The following DMD variants were observed in gnomAD, a reference collection of about 807,000 sequenced individuals.
The protein encoded by DMD is dystrophin.
DMD carries 63 observed loss-of-function variants against 330.1 expected under a neutral mutation model. The ratio of observed to expected loss-of-function variants is 0.19; its 90% confidence interval spans 0.16 to 0.24. The LOEUF (loss-of-function observed/expected upper bound fraction) is 0.24. Among genes scored for constraint, DMD ranks in the 10% least tolerant of loss-of-function variants. The pLI, the probability that DMD is intolerant of heterozygous loss-of-function variation, is 1.00. For missense variants in DMD, 3,344 were observed against 2,684.1 expected, an observed-to-expected ratio of 1.25 and a Z score of -5.43; for synonymous variants, 1,223 against 959.8, an observed-to-expected ratio of 1.27 and a Z score of -5.07.
intron 9 of DMD, among the ~76,000 whole-genome samples, chrX:32,666,179 G>C (rs1283106298): frequency 2.7e-5 from 3 of 111,234 alleles, no homozygotes; most frequent in Admixed American, 9.6e-5. Flanking sequence ...TGTTGAGAAT[G>C]ATTCCTAGGT....
intron 52 of DMD, among the ~76,000 whole-genome samples, chrX:31,709,584 C>CTGTGTGTGTGTG (rs55768943): frequency 1.1e-5 from 1 of 94,040 alleles, no homozygotes; most frequent in Non-Finnish European, 2.1e-5. Context: ...CTCTCTCTGT[C>CTGTGTGTGTGTG]TGTGTGTGTG....
At chrX:31,761,793 C>T (rs1185564505) in intron 51 of DMD, among the ~76,000 whole-genome samples, 1 of 111,804 alleles carries the variant, frequency 8.9e-6, no homozygotes, top group Non-Finnish European at 1.9e-5. Flanking sequence ...CAAATTTAAA[C>T]AGAACTAAGA....
chrX:32,321,195 G>T (rs770526440), intron 41 of DMD, among the ~76,000 whole-genome samples: 12 of 111,544 alleles, frequency 1.1e-4, no homozygotes, highest in Non-Finnish European at 1.7e-4. Context: ...TGTTGAGAAT[G>T]GGTAAATCAC....
intron 47 of DMD, among the ~76,000 whole-genome samples, chrX:31,888,257 T>C (rs1163330049): frequency 9.0e-6 from 1 of 111,682 alleles, no homozygotes; most frequent in Non-Finnish European, 1.9e-5. Context: ...GGACTAGTGG[T>C]AATATCCGTG....
chrX:31,659,837 T>G (rs1449783892), intron 53 of DMD, among the ~76,000 whole-genome samples: 1 of 110,508 alleles, frequency 9.0e-6, no homozygotes, highest in Non-Finnish European at 1.9e-5. Flanking sequence ...TCTCTAAGAA[T>G]ACATAATCAT....
intron 21 of DMD, among the ~76,000 whole-genome samples, chrX:32,482,548 T>C (rs2042004412): frequency 8.9e-6 from 1 of 111,959 alleles, no homozygotes; most frequent in African/African-American, 3.2e-5. Context: ...CATATAGTCA[T>C]CACTGGATGG....
At chrX:31,224,278 G>T (rs2046372171) in intron 63 of DMD, among the ~76,000 whole-genome samples, 1 of 111,906 alleles carries the variant, frequency 8.9e-6, no homozygotes, top group Admixed American at 9.5e-5. Context: ...TGACATACAT[G>T]ACTGCCATAA....
chrX:32,458,087 A>C (rs979062562), intron 25 of DMD, among the ~76,000 whole-genome samples: 2 of 110,774 alleles, frequency 1.8e-5, no homozygotes, highest in African/African-American at 6.5e-5. Flanking sequence ...TATTAATATC[A>C]TCACATTTTA....
chrX:32,227,254 T>A (rs2097151145), intron 43 of DMD, among the ~76,000 whole-genome samples: 1 of 78,798 alleles, frequency 1.3e-5, no homozygotes, highest in Admixed American at 1.6e-4. Context: ...TCCTAGCTTC[T>A]AAGTCTAAGC....
At chrX:32,684,263 C>A (rs1275957799) in intron 9 of DMD, among the ~76,000 whole-genome samples, 1 of 111,516 alleles carries the variant, frequency 9.0e-6, no homozygotes, top group Non-Finnish European at 1.9e-5. Context: ...ACGTAACACA[C>A]AGATATATAC....
In DMD at chrX:32,334,097, A is replaced by G. The variant is rs778214841; in HGVS notation, c.5922+8003T>C. 2.7e-3 allele frequency among the ~76,000 whole-genome samples: 296 copies of G among 111,492 alleles called. 3 individuals carry two copies. The highest frequency in any genetic ancestry group is 9.3e-3 in the African/African-American group (285 of 30,737). ...AACTGATTATGCTACACAACTAGAC[A>G]CTAGAACAAAAAAACTCCGTACAAA... is the stretch of plus-strand genomic sequence containing the variant. On this transcript the variant is annotated intron_variant, in intron 41 of 78. Transcript: ENST00000357033.
At chrX:32,698,442 C>T (rs955745051) in intron 8 of DMD, among the ~76,000 whole-genome samples, 1 of 111,704 alleles carries the variant, frequency 9.0e-6, no homozygotes, top group East Asian at 2.8e-4. Flanking sequence ...GGCCTAAGAG[C>T]TCTCCACACA....
intron 44 of DMD, among the ~76,000 whole-genome samples, chrX:32,087,585 C>G: frequency 1.8e-5 from 2 of 111,922 alleles, no homozygotes; most frequent in South Asian, 7.5e-4. Context: ...TATTGACCCG[C>G]TAGTCCGAGT....
chrX:32,344,893 C>G (rs1225604294), intron 39 of DMD, among the ~76,000 whole-genome samples: 1 of 111,309 alleles, frequency 9.0e-6, no homozygotes, highest in African/African-American at 3.3e-5. Context: ...CTTTTGCACT[C>G]CCTCGAGGAA....
At chrX:32,880,530 T>C (rs755498301) in intron 2 of DMD, among the ~76,000 whole-genome samples, 4 of 112,025 alleles carry the variant, frequency 3.6e-5, no homozygotes, top group Non-Finnish European at 7.5e-5. Flanking sequence ...TGGTAGGACA[T>C]ACTATATAGT....
intron 59 of DMD, among the ~76,000 whole-genome samples, chrX:31,449,795 T>TAGATAGATAG (rs1422679507): frequency 4.7e-4 from 38 of 81,277 alleles, no homozygotes; most frequent in African/African-American, 1.3e-3. Flanking sequence ...TATATATATA[T>TAGATAGATAG]ATAGATAGAT....
intron 43 of DMD, among the ~76,000 whole-genome samples, chrX:32,261,070 C>A (rs192998677): frequency 8.9e-5 from 10 of 111,926 alleles, no homozygotes; most frequent in Non-Finnish European, 1.7e-4. Flanking sequence ...GCAATAAGTG[C>A]TAAACTGATG....
rs1387762977 is a variant in DMD at position 32,969,583 on chromosome X, G to T, written c.93+50556C>A. On this transcript the variant is annotated intron_variant, in intron 2 of 78. Coordinates refer to ENST00000357033, the MANE Select transcript of DMD (RefSeq NM_004006.3). ...ATGTTCTGTGCTTTTTGGCACAAACGCATATTTGTTTATTTATTATGTATG... is the reference window on the plus strand; with the variant it reads ...ATGTTCTGTGCTTTTTGGCACAAACTCATATTTGTTTATTTATTATGTATG... Among the ~76,000 whole-genome samples, 15 of 93,882 alleles carry T rather than the reference G, an allele frequency of 1.6e-4. 4 individuals are homozygous for T. The highest frequency in any genetic ancestry group is 2.6e-4 in the Non-Finnish European group (13 of 49,294). The allele number at this position is 93,882 out of a possible 115,157, so 81.5% of individuals were successfully genotyped here.
chrX:32,809,341 T>C (rs2077176100), intron 7 of DMD, 152 bp downstream of exon 7: 2 of 481,742 alleles, frequency 4.2e-6, no homozygotes, highest in Middle Eastern at 4.1e-4. Flanking sequence ...ATTCATAATA[T>C]AGTGCAAGAA....
Sources: allele counts gnomAD v4.1 joint callset (sites outside exome capture counted in the v4.1 genomes callset), GRCh38; gene constraint gnomAD v4.1.1; transcripts MANE v1.5; gene names NCBI Gene and HGNC (gene_info 2026-07-23, HGNC 2026-07-21).